The following TANC2 variants were observed in gnomAD, a reference collection of about 807,000 sequenced individuals.
The protein encoded by TANC2 is protein TANC2.
Under a neutral mutation model 210.5 loss-of-function variants are expected in TANC2, and 26 were observed. The ratio of observed to expected loss-of-function variants is 0.12; its 90% CI spans 0.09 to 0.17. The LOEUF (loss-of-function observed/expected upper bound fraction) is 0.17, where lower values mean the gene tolerates loss of function less well. Among genes scored for constraint, TANC2 ranks in the 10% least tolerant of loss-of-function variants. The pLI, the probability that TANC2 is intolerant of heterozygous loss-of-function variation, is 1.00. For synonymous variants in TANC2, 931 were observed against 967.1 expected (o/e 0.96, Z 0.69); for missense variants, 2,129 against 2,608.9 (o/e 0.82, Z 4.01).
chr17:63,178,870 G>T (rs2040682525), intron 5 of TANC2, among the ~76,000 whole-genome samples: 1 of 152,180 alleles, frequency 6.6e-6, no homozygotes, highest in Admixed American at 6.5e-5. Context: ...TAGGAATTTG[G>T]ATACATTGGC....
At chr17:63,204,978 G>A (rs968596486) in intron 7 of TANC2, among the ~76,000 whole-genome samples, 2 of 152,084 alleles carry the variant, frequency 1.3e-5, no homozygotes, top group African/African-American at 4.8e-5. Flanking sequence ...CCAGCTACTG[G>A]GGAGGCTGAG....
chr17:63,122,273 A>G (rs1176047879), intron 4 of TANC2, among the ~76,000 whole-genome samples: 1 of 152,202 alleles, frequency 6.6e-6, no homozygotes, highest in Non-Finnish European at 1.5e-5. Flanking sequence ...TTGACAGCAG[A>G]CACTTTATTT....
intron 2 of TANC2, among the ~76,000 whole-genome samples, chr17:63,011,314 G>A (rs767791489): frequency 6.6e-6 from 1 of 151,688 alleles, no homozygotes; most frequent in Non-Finnish European, 1.5e-5. Flanking sequence ...AATCTATTCT[G>A]TATTATTTTA....
At position 63,257,215 on chromosome 17, in the gene TANC2, C is replaced by A. The variant is rs183842913; in HGVS notation, c.1034-10533C>A. On this transcript the variant is annotated intron_variant, in intron 8 of 27. Coordinates refer to ENST00000689528, the Ensembl canonical transcript of TANC2. ...ATTTTTTTTCTCATTGTTTTGTGTT[C>A]TTCTTTATTTCCTTCCTGCCCTCCT... 1.9e-3 allele frequency among the ~76,000 whole-genome samples: 285 copies of A among 151,214 alleles called. 1 individual carries two copies. Among genetic ancestry groups the A allele is most frequent in the African/African-American group, 6.7e-3 (274 of 41,182 alleles).
rs760182901 is a variant in TANC2 at position 63,420,746 on chromosome 17, C to G, written c.5016C>G (p.Pro1672=). The G allele has an allele frequency of 1.9e-6, 3 of 1,614,032 alleles. 1 individual carries two copies. The South Asian group carries it at 3.3e-5, about 18-fold the overall frequency. Reference sequence around the variant, plus strand: ...CATTATCCAAAATGGCCCAGCGGCCCTACCAGATGCCTCAGCTCCCTGTGG... The same window carrying G: ...CATTATCCAAAATGGCCCAGCGGCCGTACCAGATGCCTCAGCTCCCTGTGG... The change falls in exon 28 of 28, where the codon CCC becomes CCG. Residue 1672 remains proline, a synonymous_variant. Transcript: ENST00000689528. This position sits in a 1 kb window ranked among gnomAD's most constrained non-coding sequence, Gnocchi z 4.2.
intron 4 of TANC2, among the ~76,000 whole-genome samples, chr17:63,146,805 T>C (rs2039476523): frequency 6.6e-6 from 1 of 152,226 alleles, no homozygotes; most frequent in Non-Finnish European, 1.5e-5. Context: ...GTAGATTTTC[T>C]CTTTTCACCA....
At chr17:63,358,376 A>ATGTGT (rs1555641222) in intron 14 of TANC2, among the ~76,000 whole-genome samples, 1,597 of 80,826 alleles carry the variant, frequency 0.02, 24 homozygotes, top group African/African-American at 0.053. Context: ...AGAGAGAGAG[A>ATGTGT]GTATGTGTGT....
Position 63,285,152 on chromosome 17 carries a change from A to G in TANC2, c.1159+17279A>G, listed in dbSNP as rs149345823. ...ACAGTGAGCTTCTTATTAGCATCAT[A>G]GTGATGGGTCTTGCTTTTTTATCCA... On this transcript the variant is annotated intron_variant, in intron 9 of 27. Transcript: ENST00000689528. Among the ~76,000 whole-genome samples, 1,479 of 152,248 alleles carry G rather than the reference A, an allele frequency of 9.7e-3. 13 individuals are homozygous for G. The highest frequency in any genetic ancestry group is 0.016 in the Non-Finnish European group (1,075 of 67,998).
intron 5 of TANC2, chr17:63,155,134 G>A (rs2039791426): frequency 6.6e-6 from 1 of 151,908 alleles, no homozygotes; most frequent in Non-Finnish European, 1.5e-5. Flanking sequence ...CTTATGTTCT[G>A]GAGTTAGATC....
At chr17:63,100,047 T>A (rs2037564113) in intron 4 of TANC2, among the ~76,000 whole-genome samples, 1 of 152,192 alleles carries the variant, frequency 6.6e-6, no homozygotes, top group South Asian at 2.1e-4. Flanking sequence ...TGGGTCACTT[T>A]GTTAGATTTC....
At chr17:63,363,549 T>G (rs2047024760) in intron 14 of TANC2, among the ~76,000 whole-genome samples, 2 of 152,218 alleles carry the variant, frequency 1.3e-5, no homozygotes, top group African/African-American at 2.4e-5. Flanking sequence ...TGGTGAGAGA[T>G]AGGGATCTAG....
At chr17:62,985,208 T>G (rs1336721747) in intron 1 of TANC2, among the ~76,000 whole-genome samples, 1 of 152,172 alleles carries the variant, frequency 6.6e-6, no homozygotes, top group Admixed American at 6.5e-5. Flanking sequence ...CATCTCATTC[T>G]CTCCTGGCCT....
At chr17:63,115,122 C>T (rs2038203887) in intron 4 of TANC2, among the ~76,000 whole-genome samples, 1 of 152,084 alleles carries the variant, frequency 6.6e-6, no homozygotes, top group African/African-American at 2.4e-5. Context: ...AATTAGTATT[C>T]TAAAAAGTCA....
chr17:63,408,350 G>A (rs1012216826), intron 21 of TANC2, among the ~76,000 whole-genome samples: 1 of 151,404 alleles, frequency 6.6e-6, no homozygotes, highest in African/African-American at 2.4e-5. Context: ...AAAGAGAGAA[G>A]AGGAAGATTA....
At chr17:63,348,650 A>T (rs2046493458) in intron 12 of TANC2, among the ~76,000 whole-genome samples, 1 of 152,162 alleles carries the variant, frequency 6.6e-6, no homozygotes. Flanking sequence ...AAATATGGTG[A>T]TCGTGGATGG....
In TANC2 at chr17:63,412,142, G is replaced by C. The variant is rs967827655; in HGVS notation, c.3898+12G>C. The C allele has an allele frequency of 1.2e-6, 2 of 1,613,986 alleles. No individual in the cohort carries two copies. The highest frequency in any genetic ancestry group is 1.7e-6 in the Non-Finnish European group (2 of 1,179,886). On this transcript the variant is annotated intron_variant, in intron 23 of 27. Transcript: ENST00000689528. The surrounding 1 kb of genome is among the most constrained non-coding windows in gnomAD (Gnocchi z 4.2). ...AGGAGCCAAGATAGGTAGGAGAAGG[G>C]AAGAGGATGTTGGCCATCTGTGCCC... is the stretch of plus-strand genomic sequence containing the variant.
chr17:63,415,463 G>A (rs2048828650), intron 25 of TANC2, 65 bp from the exon 26 acceptor site: 7 of 1,581,462 alleles, frequency 4.4e-6, no homozygotes, highest in African/African-American at 1.4e-5. Flanking sequence ...AAGGGAGTGG[G>A]GACCACACTT....
intron 2 of TANC2, among the ~76,000 whole-genome samples, chr17:63,021,956 G>T (rs188394310): frequency 3.9e-5 from 6 of 152,250 alleles, no homozygotes; most frequent in Admixed American, 3.9e-4. Context: ...TATCTTGTTG[G>T]GTACTGGAAT....
exon 8 of TANC2, chr17:63,237,855 T>C: frequency 6.4e-7 from 1 of 1,552,370 alleles, no homozygotes; most frequent in East Asian, 2.4e-5. Context: ...ACGCACAAAA[T>C]ATGCTGGGGA....
Sources: gnomAD v4.1 joint callset for allele counts (sites outside exome capture counted in the v4.1 genomes callset) on GRCh38, gnomAD v4.1.1 for gene constraint, Gnocchi (gnomAD v3.1) non-coding constraint, MANE v1.5 for transcripts, NCBI Gene and HGNC (gene_info 2026-07-23, HGNC 2026-07-21) for gene names.